SMOC1: variants seen among roughly 807,000 people sequenced by gnomAD.
SMOC1 encodes the protein SPARC-related modular calcium-binding protein 1.
A neutral mutation model predicts 56.3 loss-of-function variants in SMOC1; 22 were observed. The ratio of observed to expected loss-of-function variants is 0.39; its 90% CI spans 0.28 to 0.56. The LOEUF (loss-of-function observed/expected upper bound fraction) is 0.56. Among genes scored for constraint, SMOC1 ranks in the 20% least tolerant of loss-of-function variants. SMOC1 has a pLI of 0.61. For missense variants in SMOC1, 509 were observed against 565.4 expected (o/e 0.90, Z 1.01); for synonymous variants, 193 against 215.0 (o/e 0.90, Z 0.89).
chr14:69,880,042 C>T (rs1032185651), intron 1 of SMOC1, among the ~76,000 whole-genome samples: 1 of 152,214 alleles, frequency 6.6e-6, no homozygotes, highest in Non-Finnish European at 1.5e-5. Context: ...AATCTCTTCT[C>T]TCCTGCATTT....
At chr14:69,970,402 C>A (rs903089661) in intron 3 of SMOC1, among the ~76,000 whole-genome samples, 8 of 152,132 alleles carry the variant, frequency 5.3e-5, no homozygotes, top group African/African-American at 1.9e-4. Context: ...TTGGTGACCT[C>A]TAAGGCTTTT....
chr14:69,908,438 C>A (rs1003291912), intron 1 of SMOC1, among the ~76,000 whole-genome samples: 4 of 152,126 alleles, frequency 2.6e-5, no homozygotes, highest in African/African-American at 9.7e-5. Context: ...GTGGGTGGCC[C>A]TTTCCTGATG....
rs149349186 is a variant in SMOC1 at position 69,932,389 on chromosome 14, G to A, written c.100-19749G>A. On this transcript the variant is annotated intron_variant, in intron 1 of 11. Coordinates refer to ENST00000361956, the MANE Select transcript of SMOC1 (RefSeq NM_001034852.3). ...GGGCCTTCCGGGACTTTACTACCACGCCACCCTCAGCCCCACATGCCTCCT... is the reference window on the plus strand; with the variant it reads ...GGGCCTTCCGGGACTTTACTACCACACCACCCTCAGCCCCACATGCCTCCT... Among the ~76,000 whole-genome samples the A allele has an allele frequency of 9.4e-4, 143 of 152,252 alleles. No individual in the cohort carries two copies. The East Asian group carries it at 9.5e-3, about 10-fold the overall frequency.
intron 7 of SMOC1, among the ~76,000 whole-genome samples, chr14:69,997,808 C>T (rs1305333763): frequency 6.6e-6 from 1 of 152,134 alleles, no homozygotes; most frequent in African/African-American, 2.4e-5. Flanking sequence ...ACACCTGAGA[C>T]AGTTTTTCAT....
chr14:69,945,574 A>T (rs1209079482), intron 1 of SMOC1, among the ~76,000 whole-genome samples: 2 of 152,228 alleles, frequency 1.3e-5, no homozygotes, highest in Non-Finnish European at 2.9e-5. Flanking sequence ...AGAACCTCCT[A>T]GCTGAGCCCA....
intron 1 of SMOC1, among the ~76,000 whole-genome samples, chr14:69,912,793 T>C (rs183854245): frequency 1.8e-4 from 27 of 152,326 alleles, no homozygotes; most frequent in African/African-American, 5.8e-4. Context: ...GAGCCTTGCA[T>C]TCTTTCACCC....
At position 69,961,270 on chromosome 14, in the gene SMOC1, GTGTATATA is replaced by G. The variant is rs1340323354; in HGVS notation, c.378+7740_378+7747del. 6.7e-3 allele frequency among the ~76,000 whole-genome samples: 397 copies of G among 59,676 alleles called. 8 individuals are homozygous for G. Among genetic ancestry groups the G allele is most frequent in the Middle Eastern group, 0.045 (4 of 88 alleles). 39.1% of individuals were successfully genotyped at this position (59,676 alleles called of 152,430 possible). A position where few individuals can be genotyped will look rare whatever the true frequency, so the allele number is the denominator to read the frequency against. ...TTTTATTGTCAAGCAATATTCTATT[GTGTATATA>G]TATATATATATATATATATATATAT... is the stretch of plus-strand genomic sequence containing the variant. On this transcript the variant is annotated intron_variant, in intron 3 of 11. Coordinates refer to ENST00000361956, the MANE Select transcript of SMOC1 (RefSeq NM_001034852.3).
chr14:69,888,705 G>A (rs990494607), intron 1 of SMOC1, among the ~76,000 whole-genome samples: 18 of 151,950 alleles, frequency 1.2e-4, no homozygotes, highest in Non-Finnish European at 1.5e-5. Context: ...TGACAGTGGA[G>A]AAAAATTGGA....
At chr14:69,925,603 G>A (rs1197053177) in intron 1 of SMOC1, among the ~76,000 whole-genome samples, 4 of 152,266 alleles carry the variant, frequency 2.6e-5, no homozygotes, top group East Asian at 1.9e-4. Context: ...CCACGGGGCC[G>A]GGGCTTGTGT....
chr14:69,956,821 T>C (rs1034623766), intron 3 of SMOC1, among the ~76,000 whole-genome samples: 9 of 152,186 alleles, frequency 5.9e-5, no homozygotes, highest in Admixed American at 3.3e-4. Flanking sequence ...AGCTGTACAT[T>C]AGACCATGTT....
At chr14:69,984,171 C>T (rs555347535) in intron 5 of SMOC1, among the ~76,000 whole-genome samples, 2 of 152,222 alleles carry the variant, frequency 1.3e-5, no homozygotes, top group East Asian at 3.9e-4. Context: ...AACAGATCCA[C>T]AAACAAATGG....
intron 1 of SMOC1, among the ~76,000 whole-genome samples, chr14:69,924,285 C>T (rs961374988): frequency 5.9e-5 from 9 of 152,236 alleles, no homozygotes; most frequent in African/African-American, 2.2e-4. Context: ...GCTGCATGCA[C>T]ACTGTCTGCA....
At chr14:69,917,943 C>T (rs1236585057) in intron 1 of SMOC1, among the ~76,000 whole-genome samples, 1 of 152,192 alleles carries the variant, frequency 6.6e-6, no homozygotes, top group Non-Finnish European at 1.5e-5. Flanking sequence ...AAAATACAAC[C>T]TGCTTCACCT....
chr14:69,965,567 T>C lies in SMOC1; in HGVS notation c.379-10148T>C, dbSNP rs148004902. Reference sequence around the variant, plus strand: ...GAAATAGGGAAGAACTTTTGACAAGTAGAGTAGCTCACAGACAGAATGTCT... The same window carrying C: ...GAAATAGGGAAGAACTTTTGACAAGCAGAGTAGCTCACAGACAGAATGTCT... On this transcript the variant is annotated intron_variant, in intron 3 of 11. Coordinates refer to ENST00000361956, the MANE Select transcript of SMOC1 (RefSeq NM_001034852.3). Among the ~76,000 whole-genome samples, 252 of 152,094 alleles carry C rather than the reference T, an allele frequency of 1.7e-3. 4 individuals are homozygous for C. Among genetic ancestry groups the C allele is most frequent in the African/African-American group, 6.0e-3 (247 of 41,498 alleles).
intron 11 of SMOC1, among the ~76,000 whole-genome samples, chr14:70,027,307 C>T (rs1490876192): frequency 6.6e-6 from 1 of 152,130 alleles, no homozygotes; most frequent in Non-Finnish European, 1.5e-5. Flanking sequence ...GAGAAGGACC[C>T]CAGTGTGTTT....
intron 11 of SMOC1, among the ~76,000 whole-genome samples, chr14:70,029,952 A>G (rs963250986): frequency 6.6e-6 from 1 of 152,202 alleles, no homozygotes; most frequent in Non-Finnish European, 1.5e-5. Flanking sequence ...ACACCCTGCA[A>G]CCCACACTTC....
rs186805473 is a variant in SMOC1, at chr14:69,994,164, A to C, written c.584-236A>C. On this transcript the variant is annotated intron_variant, in intron 6 of 11. Transcript: ENST00000361956. ...TGGATGGAGTGCTCAGTGCCTCTGC[A>C]TTCTGACCACTCTGCTTCCCAGCAC... The C allele has an allele frequency of 4.1e-5, 24 of 590,270 alleles. No homozygotes were observed. The East Asian group carries it at 5.3e-4, about 13-fold the overall frequency. 36.6% of individuals were successfully genotyped at this position (590,270 alleles called of 1,614,324 possible).
chr14:69,994,262 G>A (rs1456080534), intron 6 of SMOC1, 138 bp from the exon 7 acceptor site: 9 of 780,988 alleles, frequency 1.2e-5, no homozygotes, highest in East Asian at 2.4e-5. Flanking sequence ...GGGGAACTGG[G>A]AGGAGTGGAT....
rs368544606 is a variant in SMOC1, at chr14:69,938,612, G to A, written c.100-13526G>A. 1.1e-3 allele frequency among the ~76,000 whole-genome samples: 166 copies of A among 152,160 alleles called. 1 individual carries two copies. In the South Asian group the frequency reaches 0.033, roughly 31 times the overall value. On this transcript the variant is annotated intron_variant, in intron 1 of 11. Transcript: ENST00000361956. ...TGCTGCTGTATTGGGGATGGAGCAG[G>A]AAGCACACTGGGTGGGGCTCACCTG...
Sources: allele counts gnomAD v4.1 joint callset (sites outside exome capture counted in the v4.1 genomes callset), GRCh38; gene constraint gnomAD v4.1.1; transcripts MANE v1.5; gene names NCBI Gene and HGNC (gene_info 2026-07-23, HGNC 2026-07-21).